SOX6: variants seen among roughly 807,000 people sequenced by gnomAD.
The protein encoded by SOX6 is transcription factor SOX-6.
In SOX6, 11 loss-of-function variants were observed where a neutral mutation model predicts 97.8. The observed-to-expected ratio is 0.11, with a 90% CI of 0.07 to 0.19. The LOEUF (loss-of-function observed/expected upper bound fraction) is 0.19, where lower values mean the gene tolerates loss of function less well. Ranked by LOEUF, SOX6 falls within the 10% of genes least tolerant of loss-of-function variation. SOX6 has a pLI of 1.00. For synonymous variants in SOX6, 360 were observed against 371.4 expected (o/e 0.97, Z 0.35); for missense variants, 810 against 1,039.5 (o/e 0.78, Z 3.04).
At chr11:16,689,228 GT>G (rs1847993646) in intron 3 of SOX6, among the ~76,000 whole-genome samples, 1 of 152,150 alleles carries the variant, frequency 6.6e-6, no homozygotes, top group African/African-American at 2.4e-5. Context: ...GATCTCTGGA[GT>G]TCTCTAGAAA....
In SOX6 at chr11:16,308,660, GTATT is replaced by G. The variant is rs1434210109; in HGVS notation, c.445+9782_445+9785del. Among the ~76,000 whole-genome samples the G allele has an allele frequency of 8.5e-5, 13 of 152,216 alleles. 1 individual carries two copies. The South Asian group carries it at 2.3e-3, about 27-fold the overall frequency. ...GTTTGTAATTTTGCATTTGAAGTAA[GTATT>G]TAAGTAAAAATTATTGTAAACCTGA... On this transcript the variant is annotated intron_variant, in intron 3 of 15. Transcript: ENST00000683767.
At chr11:16,157,182 T>TCTC (rs1376046652) in intron 6 of SOX6, among the ~76,000 whole-genome samples, 1 of 151,972 alleles carries the variant, frequency 6.6e-6, no homozygotes, top group African/African-American at 2.4e-5. Context: ...CACAAACCCA[T>TCTC]CTCCTCATCT....
chr11:16,324,489 G>A (rs1856015052), intron 2 of SOX6, among the ~76,000 whole-genome samples: 2 of 152,094 alleles, frequency 1.3e-5, no homozygotes. Flanking sequence ...GAAAATCATA[G>A]TCTTGCAGAA....
At chr11:16,690,691 G>A (rs1848006601) in intron 3 of SOX6, among the ~76,000 whole-genome samples, 1 of 152,152 alleles carries the variant, frequency 6.6e-6, no homozygotes, top group Admixed American at 6.5e-5. Flanking sequence ...GAGGGTAAAA[G>A]AATTGGCATT....
At chr11:16,335,475 C>A (rs541449552) in intron 2 of SOX6, among the ~76,000 whole-genome samples, 5 of 152,216 alleles carry the variant, frequency 3.3e-5, no homozygotes, top group African/African-American at 1.2e-4. Flanking sequence ...ACCAAGTGAA[C>A]GAGTGGGTTT....
intron 13 of SOX6, among the ~76,000 whole-genome samples, chr11:16,002,799 A>G (rs1424799180): frequency 6.6e-6 from 1 of 152,208 alleles, no homozygotes; most frequent in East Asian, 1.9e-4. Context: ...GGCTTTAACC[A>G]GCTCTACCTC....
intron 12 of SOX6, among the ~76,000 whole-genome samples, chr11:16,022,733 G>A (rs1193442871): frequency 1.3e-5 from 2 of 152,024 alleles, no homozygotes; most frequent in African/African-American, 4.8e-5. Flanking sequence ...ATTTTATCTT[G>A]GCTGCTAAGT....
At chr11:16,536,209 CTCTT>C in intron 4 of SOX6, among the ~76,000 whole-genome samples, 1 of 152,188 alleles carries the variant, frequency 6.6e-6, no homozygotes, top group East Asian at 1.9e-4. Context: ...AATAATATCT[CTCTT>C]CATTCATATG....
Position 16,613,548 on chromosome 11 carries a change from C to A in SOX6, n.430-1288G>T, listed in dbSNP as rs943158478. Among the ~76,000 whole-genome samples the A allele has an allele frequency of 6.6e-6, 1 of 152,048 alleles. No homozygotes were observed. Among genetic ancestry groups the A allele is most frequent in the Admixed American group, 6.6e-5 (1 of 15,262 alleles). On this transcript the variant is annotated intron_variant and non_coding_transcript_variant, in intron 3 of 5. Coordinates refer to the SOX6 transcript ENST00000524520. This position sits in a 1 kb window ranked among gnomAD's most constrained non-coding sequence, Gnocchi z 4.6. ...CAGGTGATGGAGAGGAGGCTCGCGG[C>A]GTCCCAAACGGGTTCGGCCAAGGGT...
chr11:15,984,028 G>A (rs1344838321), intron 15 of SOX6, among the ~76,000 whole-genome samples: 3 of 152,120 alleles, frequency 2.0e-5, no homozygotes, highest in East Asian at 1.9e-4. Context: ...CATGATGGGG[G>A]CCAATACCTG....
intron 3 of SOX6, among the ~76,000 whole-genome samples, chr11:16,290,349 T>G (rs1353329107): frequency 6.6e-6 from 1 of 152,040 alleles, no homozygotes; most frequent in African/African-American, 2.4e-5. Context: ...ATAGTAATAT[T>G]TGGGGTTATT....
chr11:16,583,417 C>A (rs936770108), intron 4 of SOX6, among the ~76,000 whole-genome samples: 2 of 150,850 alleles, frequency 1.3e-5, no homozygotes, highest in African/African-American at 4.9e-5. Context: ...ATTTGTTAAC[C>A]AACCTCTCCT....
intron 3 of SOX6, among the ~76,000 whole-genome samples, chr11:16,688,756 T>G (rs1395125258): frequency 1.3e-5 from 2 of 152,214 alleles, no homozygotes; most frequent in African/African-American, 4.8e-5. Flanking sequence ...TTTCTTCCTA[T>G]TAGGTTGTAT....
intron 6 of SOX6, among the ~76,000 whole-genome samples, chr11:16,115,803 T>G (rs1439171355): frequency 6.6e-6 from 1 of 152,198 alleles, no homozygotes; most frequent in Non-Finnish European, 1.5e-5. Flanking sequence ...CCTGGAAGTC[T>G]CCAGCTGAAA....
chr11:16,167,485 C>T (rs961745667), intron 6 of SOX6, among the ~76,000 whole-genome samples: 1 of 152,116 alleles, frequency 6.6e-6, no homozygotes, highest in Non-Finnish European at 1.5e-5. Context: ...CCGTTCTTTC[C>T]AATGGTCTCC....
Position 16,356,328 on chromosome 11 carries a change from T to C in SOX6, c.-239A>G, listed in dbSNP as rs1857072879. Among the ~76,000 whole-genome samples the C allele has an allele frequency of 6.6e-6, 1 of 151,886 alleles. No homozygotes were observed. The highest frequency in any genetic ancestry group is 2.4e-5 in the African/African-American group (1 of 41,412). ...ATCTAATTTGCTAAACAAAACACTG[T>C]TAACTTTGTTCAACAATTAAAGGAG... On this transcript the variant is annotated 5_prime_UTR_variant, in exon 1 of 16. The change abolishes the stop of an existing upstream ORF in the 5' untranslated region. Transcript: ENST00000683767.
chr11:16,104,014 A>T (rs202069423), intron 7 of SOX6, among the ~76,000 whole-genome samples: 1 of 145,834 alleles, frequency 6.9e-6, no homozygotes, highest in African/African-American at 2.5e-5. Flanking sequence ...AAATTAAAAA[A>T]TAAACTCTCA....
chr11:16,613,210 C>G lies in SOX6; in HGVS notation n.430-950G>C, dbSNP rs943115665. 6.6e-6 allele frequency: 1 copy of G among 152,126 alleles called. No individual in the cohort carries two copies. The highest frequency in any genetic ancestry group is 2.4e-5 in the African/African-American group (1 of 41,386). The allele number at this position is 152,126 out of a possible 1,614,324, so 9.4% of individuals were successfully genotyped here. On this transcript the variant is annotated intron_variant and non_coding_transcript_variant, in intron 3 of 5. Transcript: ENST00000524520. This position sits in a 1 kb window ranked among gnomAD's most constrained non-coding sequence, Gnocchi z 4.6. Reference sequence around the variant, plus strand: ...TTCTAGGAACCGTGTCCTTTCGTCCCGGAGGTAAGATTGTGTGACTGCCTC... The same window carrying G: ...TTCTAGGAACCGTGTCCTTTCGTCCGGGAGGTAAGATTGTGTGACTGCCTC...
chr11:16,036,265 G>C (rs1027888044), intron 12 of SOX6, among the ~76,000 whole-genome samples: 11 of 151,924 alleles, frequency 7.2e-5, no homozygotes, highest in African/African-American at 2.7e-4. Flanking sequence ...TTTTAGTAGA[G>C]GCAGGGTTTC....
Sources: gnomAD v4.1 joint callset for allele counts (sites outside exome capture counted in the v4.1 genomes callset) on GRCh38, gnomAD v4.1.1 for gene constraint, Gnocchi (gnomAD v3.1) non-coding constraint, MANE v1.5 for transcripts, NCBI Gene and HGNC (gene_info 2026-07-23, HGNC 2026-07-21) for gene names.